Variants in NUP214 observed in about 807,000 individuals in gnomAD.
NUP214 encodes nuclear pore complex protein Nup214.
Under a neutral mutation model 196.2 loss-of-function variants are expected in NUP214, and 79 were observed. That is an observed-to-expected ratio of 0.40 (90% confidence interval 0.34 to 0.49). NUP214 has a LOEUF of 0.49. NUP214 is among the 20% of genes least tolerant of loss of function. The pLI is 0.58. For synonymous variants in NUP214, 1,020 were observed against 990.5 expected, an observed-to-expected ratio of 1.03 and a Z score of -0.56; for missense variants, 2,468 against 2,539.0, an observed-to-expected ratio of 0.97 and a Z score of 0.60.
At chr9:131,200,437 C>T (rs933786024) in intron 29 of NUP214, among the ~76,000 whole-genome samples, 4 of 151,996 alleles carry the variant, frequency 2.6e-5, no homozygotes, top group East Asian at 1.9e-4. Context: ...TTGCCGGGCG[C>T]GGTGGCTCAC....
chr9:131,155,528 G>A (rs1489025582), intron 17 of NUP214, among the ~76,000 whole-genome samples: 1 of 152,140 alleles, frequency 6.6e-6, no homozygotes, highest in Non-Finnish European at 1.5e-5. Flanking sequence ...TTCGCTTTTG[G>A]ATTCTTGGTC....
In NUP214 at chr9:131,193,899, C is replaced by A. The variant is rs1833698284; in HGVS notation, c.3660-1334C>A. On this transcript the variant is annotated intron_variant, in intron 27 of 35. Coordinates refer to ENST00000359428, the MANE Select transcript of NUP214 (RefSeq NM_005085.4). ...CTCCTGGCCTCAAGTGATCCACCCGCCTTAGCCTCCCAAAGTGCTGGGATT... is the reference window on the plus strand; with the variant it reads ...CTCCTGGCCTCAAGTGATCCACCCGACTTAGCCTCCCAAAGTGCTGGGATT... The A allele has an allele frequency of 2.0e-5, 3 of 148,488 alleles. No homozygotes were observed. In the South Asian group the frequency reaches 6.3e-4, roughly 31 times the overall value. The allele number at this position is 148,488 out of a possible 1,614,324, so 9.2% of individuals were successfully genotyped here.
chr9:131,186,570 T>A (rs1241746591), intron 24 of NUP214, among the ~76,000 whole-genome samples: 1 of 152,180 alleles, frequency 6.6e-6, no homozygotes, highest in African/African-American at 2.4e-5. Flanking sequence ...ACAGATAAAT[T>A]GAAAAAATTG....
At chr9:131,179,281 C>CA (rs1833200991) in intron 24 of NUP214, among the ~76,000 whole-genome samples, 1 of 152,160 alleles carries the variant, frequency 6.6e-6, no homozygotes, top group Non-Finnish European at 1.5e-5. Context: ...TGATTATAGG[C>CA]AGGAGCCACT....
In NUP214 at chr9:131,197,962, G is replaced by A. The variant is rs1213189345; in HGVS notation, c.4468G>A (p.Gly1490Ser). 6.2e-7 allele frequency: 1 copy of A among 1,614,182 alleles called. No individual in the cohort carries two copies. The highest frequency in any genetic ancestry group is 1.1e-5 in the South Asian group (1 of 91,084). Residue 1490 changes from glycine (G) to serine (S), a missense_variant, in exon 29 of 36, where the codon GGC (glycine) becomes AGC (serine). This residue lies in a region of NUP214 where 1,801 missense variants were observed against 1,779.4 expected (regional missense o/e 1.01). Coordinates refer to ENST00000359428, the MANE Select transcript of NUP214 (RefSeq NM_005085.4). The part of the protein sequence containing the change: ...ATTPSLPMSA[G>S]RSTEEATSSA... ...TACCCCCTCCCTGCCTATGTCCGCT[G>A]GCAGAAGCACAGAAGAGGCCACTTC...
At chr9:131,150,869 T>C (rs953749412) in intron 16 of NUP214, 104 bp downstream of exon 16, 41 of 1,161,766 alleles carry the variant, frequency 3.5e-5, no homozygotes, top group Admixed American at 5.2e-5. Context: ...GGACCACCAG[T>C]GTTGTTGTTT....
intron 1 of NUP214, chr9:131,127,089 A>G (rs1294532911): frequency 1.3e-5 from 2 of 154,266 alleles, no homozygotes; most frequent in African/African-American, 4.8e-5. Flanking sequence ...GTTCCATATC[A>G]GAAAAAAATG....
At chr9:131,227,106 A>T (rs891612442) in intron 32 of NUP214, among the ~76,000 whole-genome samples, 1 of 152,158 alleles carries the variant, frequency 6.6e-6, no homozygotes, top group South Asian at 2.1e-4. Context: ...TCAAGAAGAC[A>T]CTCACTGAGT....
intron 30 of NUP214, 129 bp downstream of exon 30, chr9:131,201,846 G>C (rs1171928093): frequency 6.4e-6 from 5 of 776,990 alleles, no homozygotes; most frequent in Non-Finnish European, 8.8e-6. Context: ...TTCTTAAGCT[G>C]TACTCCCTTC....
chr9:131,218,439 T>C (rs956228640), intron 31 of NUP214, among the ~76,000 whole-genome samples: 1 of 152,160 alleles, frequency 6.6e-6, no homozygotes, highest in African/African-American at 2.4e-5. Context: ...CTTAATTGAC[T>C]CTGCATCATT....
chr9:131,185,812 G>T lies in NUP214; in HGVS notation c.3420-1477G>T, dbSNP rs1457804556. Among the ~76,000 whole-genome samples the T allele has an allele frequency of 3.3e-5, 5 of 152,198 alleles. No homozygotes were observed. In the Middle Eastern group the frequency reaches 0.01, roughly 311 times the overall value. On this transcript the variant is annotated intron_variant, in intron 24 of 35. Coordinates refer to ENST00000359428, the MANE Select transcript of NUP214 (RefSeq NM_005085.4). ...TAGGTACTGTGAATCCTAATTTTGTGTATTTGGGGATTTAGGATACTCAGG... is the reference window on the plus strand; with the variant it reads ...TAGGTACTGTGAATCCTAATTTTGTTTATTTGGGGATTTAGGATACTCAGG...
At chr9:131,129,155 G>T (rs2133443179) in intron 3 of NUP214, 124 bp from the exon 4 acceptor site, 2 of 797,548 alleles carry the variant, frequency 2.5e-6, no homozygotes, top group Admixed American at 2.8e-5. Flanking sequence ...CTTTTTTTAT[G>T]GTTATGGAGA....
chr9:131,172,324 A>G (rs1404776584), intron 21 of NUP214, among the ~76,000 whole-genome samples: 1 of 152,132 alleles, frequency 6.6e-6, no homozygotes, highest in Non-Finnish European at 1.5e-5. Flanking sequence ...GCATTTTGTC[A>G]TGTGTTTTTT....
In NUP214 at chr9:131,215,255, C is replaced by G; in HGVS notation, c.5636C>G (p.Thr1879Ser). The change falls in exon 31 of 36, where the codon ACT becomes AGT. Residue 1879 changes from threonine (T) to serine (S), a missense_variant. Physicochemically the swap from Thr to Ser is moderately conservative, Grantham distance 58. This residue lies in a region of NUP214 where 262 missense variants were observed against 296.5 expected (regional missense o/e 0.88). Transcript: ENST00000359428. ...SSGSVFGSGN[T>S]GRGGGFFSGL... ...GGTAGCGTGTTTGGGTCTGGAAACA[C>G]TGGAAGAGGGGGAGGTTTCTTCAGT... The G allele has an allele frequency of 6.2e-7, 1 of 1,601,276 alleles. No individual in the cohort carries two copies. The highest frequency in any genetic ancestry group is 8.5e-7 in the Non-Finnish European group (1 of 1,174,176).
intron 2 of NUP214, 136 bp downstream of exon 2, chr9:131,127,855 A>G: frequency 1.5e-6 from 1 of 660,558 alleles, no homozygotes; most frequent in Non-Finnish European, 2.5e-6. Context: ...AAGAAGATTA[A>G]TGGAAGCCTT....
intron 31 of NUP214, among the ~76,000 whole-genome samples, chr9:131,215,996 A>G (rs985627951): frequency 8.5e-5 from 12 of 141,310 alleles, no homozygotes; most frequent in African/African-American, 3.0e-4. Flanking sequence ...TCCGCCTCCC[A>G]GGTTCAAATG....
At chr9:131,211,688 G>A (rs573649014) in intron 30 of NUP214, among the ~76,000 whole-genome samples, 8 of 152,146 alleles carry the variant, frequency 5.3e-5, no homozygotes, top group African/African-American at 1.2e-4. Context: ...AACATAAATC[G>A]TGAAAATGTC....
rs1461400745 is a variant in NUP214 at position 131,125,599 on chromosome 9, C to T, written c.-106C>T. The T allele has an allele frequency of 1.1e-5, 17 of 1,548,024 alleles. No individual in the cohort carries two copies. Among genetic ancestry groups the T allele is most frequent in the South Asian group, 2.4e-5 (2 of 83,786 alleles). The stretch of plus-strand genomic sequence containing the variant: ...CGCCGGAAATGCGAGGTCAACTGCG[C>T]GCCGCTGGCGCTGAGGGGAGGAAGT... On this transcript the variant is annotated 5_prime_UTR_variant, in exon 1 of 36. Transcript: ENST00000359428. The surrounding 1 kb of genome is among the most constrained non-coding windows in gnomAD (Gnocchi z 4.1).
At chr9:131,171,834 G>T (rs543872342) in intron 21 of NUP214, among the ~76,000 whole-genome samples, 1 of 152,070 alleles carries the variant, frequency 6.6e-6, no homozygotes, top group South Asian at 2.1e-4. Flanking sequence ...ATATTTTACT[G>T]AGAATGATGA....
Sources: gnomAD v4.1 joint callset for allele counts (sites outside exome capture counted in the v4.1 genomes callset) on GRCh38, gnomAD v4.1.1 for gene constraint, gnomAD v4.1.1 regional missense constraint, Gnocchi (gnomAD v3.1) non-coding constraint, MANE v1.5 for transcripts, NCBI Gene and HGNC (gene_info 2026-07-23, HGNC 2026-07-21) for gene names.